NAV3: variants seen among roughly 807,000 people sequenced by gnomAD.
NAV3 encodes the protein neuron navigator 3, also known as pore membrane and/or filament interacting like protein 1.
In NAV3, 87 loss-of-function variants were observed where a neutral mutation model predicts 244.7. The ratio of observed to expected loss-of-function variants is 0.36; its 90% CI spans 0.30 to 0.42. NAV3 has a LOEUF of 0.42. Ranked by LOEUF, NAV3 falls within the 20% of genes least tolerant of loss-of-function variation. The pLI is 1.00. For synonymous variants in NAV3, 1,126 were observed against 1,042.2 expected, an observed-to-expected ratio of 1.08 and a Z score of -1.55; for missense variants, 2,663 against 2,893.3, an observed-to-expected ratio of 0.92 and a Z score of 1.83.
chr12:77,963,205 C>A (rs1327385005), intron 3 of NAV3, among the ~76,000 whole-genome samples: 2 of 151,988 alleles, frequency 1.3e-5, no homozygotes, highest in Admixed American at 1.3e-4. Context: ...TGTACTAGGT[C>A]TATTTATAAT....
At chr12:78,088,372 AGAAT>A (rs1215519722) in intron 12 of NAV3, among the ~76,000 whole-genome samples, 2 of 152,120 alleles carry the variant, frequency 1.3e-5, no homozygotes, top group African/African-American at 4.8e-5. Flanking sequence ...CTATTATTAT[AGAAT>A]GTGTGAATAG....
At chr12:78,130,309 A>C (rs1362079079) in intron 18 of NAV3, 1 of 189,756 alleles carries the variant, frequency 5.3e-6, no homozygotes, top group East Asian at 1.4e-4. Flanking sequence ...AGTTTCTCTG[A>C]GTTGGACAAT....
intron 9 of NAV3, among the ~76,000 whole-genome samples, chr12:78,034,135 C>T (rs1347323962): frequency 5.9e-5 from 9 of 152,162 alleles, no homozygotes; most frequent in Non-Finnish European, 1.5e-5. Context: ...GCACTGTGGA[C>T]GTTGTGAAAT....
intron 1 of NAV3, among the ~76,000 whole-genome samples, chr12:77,906,291 C>A (rs993200215): frequency 6.6e-6 from 1 of 151,980 alleles, no homozygotes; most frequent in African/African-American, 2.4e-5. Flanking sequence ...TGAGAGAAAG[C>A]AAACAAGCTT....
chr12:77,956,449 T>G (rs1404774210), intron 3 of NAV3, among the ~76,000 whole-genome samples: 1 of 152,212 alleles, frequency 6.6e-6, no homozygotes, highest in Non-Finnish European at 1.5e-5. Flanking sequence ...CTTGGATGCA[T>G]TTCTTATGGA....
At chr12:77,661,748 C>T (rs1476590748) in intron 2 of NAV3, among the ~76,000 whole-genome samples, 1 of 151,932 alleles carries the variant, frequency 6.6e-6, no homozygotes, top group African/African-American at 2.4e-5. Flanking sequence ...ATTCTAAGTG[C>T]TTTTTTCATA....
chr12:77,602,607 A>G (rs1870487909), intron 2 of NAV3, among the ~76,000 whole-genome samples: 2 of 152,010 alleles, frequency 1.3e-5, no homozygotes, highest in Middle Eastern at 3.4e-3. Context: ...CCAATAAAAA[A>G]TGTTGTAAAG....
At chr12:78,140,365 G>C (rs762479947) in intron 20 of NAV3, 31 bp downstream of exon 20, 1 of 1,572,968 alleles carries the variant, frequency 6.4e-7, no homozygotes, top group Non-Finnish European at 8.7e-7. Context: ...AAAAGCTTGT[G>C]CTTTTGCCAT....
intron 1 of NAV3, among the ~76,000 whole-genome samples, chr12:77,902,383 G>A (rs1885405732): frequency 6.6e-6 from 1 of 152,196 alleles, no homozygotes; most frequent in Non-Finnish European, 1.5e-5. Context: ...ATACAGTAAA[G>A]AGATACATCC....
chr12:77,946,309 T>C (rs1463779444), intron 3 of NAV3, among the ~76,000 whole-genome samples: 1 of 151,660 alleles, frequency 6.6e-6, no homozygotes, highest in Non-Finnish European at 1.5e-5. Flanking sequence ...TATGTGTATG[T>C]GTGTGGATAT....
At chr12:77,630,229 CGTT>C (rs887702792) in intron 2 of NAV3, among the ~76,000 whole-genome samples, 5 of 152,084 alleles carry the variant, frequency 3.3e-5, no homozygotes, top group Non-Finnish European at 7.4e-5. Context: ...AAATTCCTCT[CGTT>C]GGTGGTGAGG....
chr12:77,792,554 A>G (rs1295360862), intron 2 of NAV3, among the ~76,000 whole-genome samples: 1 of 152,140 alleles, frequency 6.6e-6, no homozygotes, highest in African/African-American at 2.4e-5. Context: ...TCCCAGCCAT[A>G]TCAAGCATGG....
In NAV3 at chr12:78,014,634, T is replaced by G. The variant is rs556737762; in HGVS notation, c.1908-7113T>G. Among the ~76,000 whole-genome samples, 55 of 152,238 alleles carry G rather than the reference T, an allele frequency of 3.6e-4. 1 individual carries two copies. In the Middle Eastern group the frequency reaches 0.014, roughly 38 times the overall value. Reference sequence around the variant, plus strand: ...TGACAGGGAAATTGACATTTTAATATGCTATTTTCCAAAAGGTGGAGAATG... The same window carrying G: ...TGACAGGGAAATTGACATTTTAATAGGCTATTTTCCAAAAGGTGGAGAATG... On this transcript the variant is annotated intron_variant, in intron 8 of 39. Coordinates refer to ENST00000397909, the MANE Select transcript of NAV3 (RefSeq NM_001024383.2).
intron 2 of NAV3, among the ~76,000 whole-genome samples, chr12:77,612,832 G>T (rs565057275): frequency 6.6e-6 from 1 of 152,042 alleles, no homozygotes; most frequent in Non-Finnish European, 1.5e-5. Context: ...GTTGTGGGAG[G>T]GACTTGGTGG....
intron 2 of NAV3, among the ~76,000 whole-genome samples, chr12:77,667,361 G>A (rs953318451): frequency 2.0e-5 from 3 of 152,162 alleles, no homozygotes; most frequent in Admixed American, 6.5e-5. Flanking sequence ...CAAGTTCTCA[G>A]CCCTGGTCAC....
chr12:78,142,677 A>ATATGTGTATATATATACATATG (rs1565713816), intron 20 of NAV3, among the ~76,000 whole-genome samples: 2 of 108,182 alleles, frequency 1.8e-5, no homozygotes, highest in African/African-American at 3.6e-5. Context: ...ATATACATAT[A>ATATGTGTATATATATACATATG]TATGTGTATA....
intron 2 of NAV3, among the ~76,000 whole-genome samples, chr12:77,654,865 C>G (rs1017679308): frequency 4.6e-5 from 7 of 151,214 alleles, no homozygotes; most frequent in African/African-American, 1.7e-4. Flanking sequence ...GAGTGGACCT[C>G]TAGCAAACTC....
intron 2 of NAV3, among the ~76,000 whole-genome samples, chr12:77,795,942 T>C (rs1871387551): frequency 6.6e-6 from 1 of 152,186 alleles, no homozygotes; most frequent in African/African-American, 2.4e-5. Flanking sequence ...TTATGACTCA[T>C]TGACAATCCA....
Position 77,637,714 on chromosome 12 carries a change from C to A in NAV3, c.72+65448C>A, listed in dbSNP as rs149912779. On this transcript the variant is annotated intron_variant, in intron 2 of 8. Coordinates refer to the NAV3 transcript ENST00000550042. Reference sequence around the variant, plus strand: ...TTCCAGAGTCTATGCTAAATGCTGCCTCTCACAAATATCTTCTAAATGCCT... The same window carrying A: ...TTCCAGAGTCTATGCTAAATGCTGCATCTCACAAATATCTTCTAAATGCCT... Among the ~76,000 whole-genome samples, 3 of 152,212 alleles carry A rather than the reference C, an allele frequency of 2.0e-5. No homozygotes were observed. In the East Asian group the frequency reaches 5.8e-4, roughly 29 times the overall value.
Sources: allele counts gnomAD v4.1 joint callset (sites outside exome capture counted in the v4.1 genomes callset), GRCh38; gene constraint gnomAD v4.1.1; transcripts MANE v1.5; gene names NCBI Gene and HGNC (gene_info 2026-07-23, HGNC 2026-07-21).